Variants in FHIT observed in about 807,000 individuals in gnomAD.
FHIT encodes the protein fragile histidine triad diadenosine triphosphatase, also known as bis(5'-adenosyl)-triphosphatase.
Under a neutral mutation model 17.9 loss-of-function variants are expected in FHIT, and 19 were observed. The ratio of observed to expected loss-of-function variants is 1.06; its 90% CI spans 0.74 to 1.56. The LOEUF (loss-of-function observed/expected upper bound fraction) is 1.56, where lower values mean the gene tolerates loss of function less well. Among genes scored for constraint, FHIT ranks in the 40% most tolerant of loss-of-function variants. The probability of loss-of-function intolerance (pLI) is 0.00; values close to 1 mark genes in which losing one functional copy is unlikely to be tolerated. For synonymous variants in FHIT, 81 were observed against 69.7 expected (o/e 1.16, Z -0.81); for missense variants, 248 against 189.2 (o/e 1.31, Z -1.82).
At chr3:59,799,745 T>C (rs758341085) in intron 8 of FHIT, among the ~76,000 whole-genome samples, 1 of 152,214 alleles carries the variant, frequency 6.6e-6, no homozygotes, top group Non-Finnish European at 1.5e-5. Context: ...TGGCAAGTAC[T>C]TACCTTTGCT....
chr3:60,601,696 G>A (rs1333315386), intron 4 of FHIT, among the ~76,000 whole-genome samples: 1 of 152,092 alleles, frequency 6.6e-6, no homozygotes, highest in African/African-American at 2.4e-5. Context: ...ATAACAGAAT[G>A]TAAAAGACAG....
At chr3:61,150,289 AT>A (rs34095404) in intron 2 of FHIT, among the ~76,000 whole-genome samples, 18,450 of 151,090 alleles carry the variant, frequency 0.12, 1,749 homozygotes, top group East Asian at 0.43. Context: ...CCCTAGAGAG[AT>A]TTTTTTTTGG....
At chr3:60,105,637 T>C (rs930533540) in intron 5 of FHIT, among the ~76,000 whole-genome samples, 4 of 152,192 alleles carry the variant, frequency 2.6e-5, no homozygotes, top group Non-Finnish European at 5.9e-5. Flanking sequence ...AGCTTTACCC[T>C]GAACTAACTT....
At chr3:61,231,098 A>G (rs2040088114) in intron 1 of FHIT, among the ~76,000 whole-genome samples, 2 of 152,248 alleles carry the variant, frequency 1.3e-5, no homozygotes, top group Non-Finnish European at 2.9e-5. Context: ...ACAAAATGTT[A>G]TCATGAAGAG....
intron 5 of FHIT, among the ~76,000 whole-genome samples, chr3:60,456,073 GAA>G (rs1442406815): frequency 1.3e-5 from 2 of 152,100 alleles, no homozygotes; most frequent in Non-Finnish European, 1.5e-5. Context: ...TAGAATATCT[GAA>G]AGAGTTGGCA....
chr3:60,637,494 A>AT (rs1455038935), intron 4 of FHIT, among the ~76,000 whole-genome samples: 6 of 152,130 alleles, frequency 3.9e-5, no homozygotes, highest in African/African-American at 1.2e-4. Flanking sequence ...CAGTGCTTAC[A>AT]TTAGATACAT....
At chr3:61,241,956 A>G (rs897527824) in intron 1 of FHIT, among the ~76,000 whole-genome samples, 9 of 152,130 alleles carry the variant, frequency 5.9e-5, no homozygotes, top group Non-Finnish European at 1.3e-4. Flanking sequence ...TTTTCTCTGT[A>G]TGGAGTGAAC....
At chr3:59,943,193 T>C (rs1706617843) in intron 7 of FHIT, among the ~76,000 whole-genome samples, 1 of 151,692 alleles carries the variant, frequency 6.6e-6, no homozygotes, top group African/African-American at 2.4e-5. Context: ...AAACGGAAAA[T>C]AGGAATCAGG....
chr3:60,247,589 G>A (rs1193945050), intron 5 of FHIT, among the ~76,000 whole-genome samples: 2 of 152,112 alleles, frequency 1.3e-5, no homozygotes, highest in Non-Finnish European at 2.9e-5. Context: ...TTATCTTAAA[G>A]TTCATAATAA....
intron 4 of FHIT, among the ~76,000 whole-genome samples, chr3:60,802,527 T>C (rs1553732612): frequency 6.6e-6 from 1 of 152,184 alleles, no homozygotes; most frequent in African/African-American, 2.4e-5. Flanking sequence ...TTTGGAAAAA[T>C]GAAATCTTCC....
intron 4 of FHIT, among the ~76,000 whole-genome samples, chr3:60,688,142 A>T (rs2040901607): frequency 1.3e-5 from 2 of 152,178 alleles, no homozygotes; most frequent in African/African-American, 4.8e-5. Context: ...CTAGTTTAAT[A>T]AACATTTCAC....
At chr3:60,127,729 T>C (rs963330271) in intron 5 of FHIT, among the ~76,000 whole-genome samples, 1 of 152,026 alleles carries the variant, frequency 6.6e-6, no homozygotes, top group Non-Finnish European at 1.5e-5. Context: ...GCCTCCTGAG[T>C]AGCTAGCACT....
At chr3:61,204,951 T>C (rs541410711) in intron 1 of FHIT, among the ~76,000 whole-genome samples, 3 of 151,414 alleles carry the variant, frequency 2.0e-5, no homozygotes, top group Non-Finnish European at 2.9e-5. Flanking sequence ...ATTAGGTATA[T>C]CTCCTAATGC....
At chr3:60,596,003 C>A (rs551602263) in intron 4 of FHIT, 1 of 159,776 alleles carries the variant, frequency 6.3e-6, no homozygotes, top group South Asian at 2.0e-4. Context: ...ACACCTCTTA[C>A]CAGCTTCTTC....
chr3:60,935,854 C>T (rs1470997237), intron 3 of FHIT, among the ~76,000 whole-genome samples: 1 of 152,212 alleles, frequency 6.6e-6, no homozygotes, highest in Non-Finnish European at 1.5e-5. Flanking sequence ...TCTCTTCGCA[C>T]ATGGACACAC....
At chr3:59,935,214 G>C (rs1292263160) in intron 7 of FHIT, among the ~76,000 whole-genome samples, 2 of 152,138 alleles carry the variant, frequency 1.3e-5, no homozygotes, top group East Asian at 1.9e-4. Flanking sequence ...ACGTATGAAA[G>C]TTTCAAAATG....
At chr3:60,386,580 C>T (rs1049076626) in intron 5 of FHIT, among the ~76,000 whole-genome samples, 1 of 152,142 alleles carries the variant, frequency 6.6e-6, no homozygotes, top group Non-Finnish European at 1.5e-5. Flanking sequence ...TGGTAAACAG[C>T]AATCTTTCTT....
chr3:61,154,046 CA>C, intron 2 of FHIT, among the ~76,000 whole-genome samples: 1 of 152,316 alleles, frequency 6.6e-6, no homozygotes, highest in Non-Finnish European at 1.5e-5. Context: ...GAAGAAATTT[CA>C]ACTGCTCTAT....
At chr3:61,179,014 T>C (rs76058162) in intron 2 of FHIT, among the ~76,000 whole-genome samples, 56 of 109,308 alleles carry the variant, frequency 5.1e-4, no homozygotes, top group African/African-American at 7.6e-4. Context: ...TTTTCTTTTT[T>C]TTTTTTTTTT....
Sources: gnomAD v4.1 joint callset for allele counts (sites outside exome capture counted in the v4.1 genomes callset) on GRCh38, gnomAD v4.1.1 for gene constraint, MANE v1.5 for transcripts, NCBI Gene and HGNC (gene_info 2026-07-23, HGNC 2026-07-21) for gene names.